Variants in SCAPER observed in about 807,000 individuals in gnomAD.
SCAPER encodes the protein S phase cyclin A-associated protein in the endoplasmic reticulum.
In SCAPER, 98 loss-of-function variants were observed where a neutral mutation model predicts 182.2. That is an observed-to-expected ratio of 0.54 (90% CI 0.46 to 0.64). SCAPER has a LOEUF of 0.64. Ranked by LOEUF, SCAPER falls within the 30% of genes least tolerant of loss-of-function variation. The pLI, the probability that SCAPER is intolerant of heterozygous loss-of-function variation, is 0.00. For synonymous variants in SCAPER, 605 were observed against 564.6 expected (o/e 1.07, Z -1.01); for missense variants, 1,432 against 1,690.0 (o/e 0.85, Z 2.68).
At chr15:76,493,683 G>A (rs956546452) in intron 24 of SCAPER, among the ~76,000 whole-genome samples, 2 of 152,168 alleles carry the variant, frequency 1.3e-5, no homozygotes, top group African/African-American at 4.8e-5. Flanking sequence ...TCTTAAGTAA[G>A]ATCTGGTTAT....
At chr15:76,387,502 T>C (rs899670677) in intron 27 of SCAPER, among the ~76,000 whole-genome samples, 1 of 152,178 alleles carries the variant, frequency 6.6e-6, no homozygotes, top group Admixed American at 6.5e-5. Context: ...GCTTGAGATA[T>C]TTGGAAGCCA....
At position 76,404,648 on chromosome 15, in the gene SCAPER, G is replaced by T; in HGVS notation, c.3343C>A (p.Leu1115Met). 6.2e-7 allele frequency: 1 copy of T among 1,612,710 alleles called. No individual in the cohort carries two copies. Residue 1115 changes from leucine to methionine, a missense_variant, in exon 27 of 32, where the codon CTG becomes ATG. Physicochemically the swap from Leu to Met is conservative, Grantham distance 15. Coordinates refer to ENST00000563290, the MANE Select transcript of SCAPER (RefSeq NM_020843.4). ...YVVNMGLIDK[L>M]CACFLSVQGP... is the part of the protein sequence containing the mutation. The stretch of plus-strand genomic sequence containing the variant: ...TGCACCGAGAGGAAGCAGGCACACA[G>T]TTTGTCAATCAGACCCATGTTCACC...
In SCAPER at chr15:76,881,535, G is replaced by A. The variant is rs538160921; in HGVS notation, c.6+2277C>T. On this transcript the variant is annotated intron_variant, in intron 2 of 31. Coordinates refer to ENST00000563290, the MANE Select transcript of SCAPER (RefSeq NM_020843.4). Reference sequence around the variant, plus strand: ...ATATTATTATTATTTATTTATAACAGAATATTATTCAGTCTTAAAGAGGAG... The same window carrying A: ...ATATTATTATTATTTATTTATAACAAAATATTATTCAGTCTTAAAGAGGAG... Among the ~76,000 whole-genome samples the A allele has an allele frequency of 2.0e-5, 3 of 152,304 alleles. No homozygotes were observed. The East Asian group carries it at 5.8e-4, about 29-fold the overall frequency.
intron 25 of SCAPER, among the ~76,000 whole-genome samples, chr15:76,459,166 G>C (rs1248471071): frequency 6.6e-6 from 1 of 152,120 alleles, no homozygotes; most frequent in African/African-American, 2.4e-5. Flanking sequence ...TGCTGGGATT[G>C]CAGGAATGAG....
At chr15:76,364,445 T>A (rs1245690935) in intron 29 of SCAPER, among the ~76,000 whole-genome samples, 1 of 152,180 alleles carries the variant, frequency 6.6e-6, no homozygotes, top group Non-Finnish European at 1.5e-5. Flanking sequence ...GCTTGCCTTT[T>A]ATAGGCTTTG....
At chr15:76,435,412 C>T (rs929407996) in intron 25 of SCAPER, among the ~76,000 whole-genome samples, 2 of 152,112 alleles carry the variant, frequency 1.3e-5, no homozygotes, top group African/African-American at 4.8e-5. Flanking sequence ...AATTGTCTAT[C>T]TTTTTTGTCA....
chr15:76,528,429 T>C (rs1222551031), intron 23 of SCAPER, among the ~76,000 whole-genome samples: 1 of 152,188 alleles, frequency 6.6e-6, no homozygotes, highest in Non-Finnish European at 1.5e-5. Context: ...GGATGTCCCA[T>C]AAGCACATCA....
chr15:76,365,485 A>G (rs1230453522), intron 29 of SCAPER, among the ~76,000 whole-genome samples: 1 of 152,212 alleles, frequency 6.6e-6, no homozygotes, highest in Non-Finnish European at 1.5e-5. Flanking sequence ...GATTTTCTCA[A>G]AGACTTGGCT....
intron 24 of SCAPER, among the ~76,000 whole-genome samples, chr15:76,495,196 G>A (rs1460877607): frequency 2.0e-5 from 3 of 151,894 alleles, no homozygotes; most frequent in Non-Finnish European, 4.4e-5. Flanking sequence ...TTCTTAATAC[G>A]TTCACTCTCT....
At position 76,705,996 on chromosome 15, in the gene SCAPER, C is replaced by A; in HGVS notation, c.2166-12G>T. 6.5e-7 allele frequency: 1 copy of A among 1,532,442 alleles called. No homozygotes were observed. The highest frequency in any genetic ancestry group is 8.7e-7 in the Non-Finnish European group (1 of 1,143,152). 94.9% of individuals were successfully genotyped at this position (1,532,442 alleles called of 1,614,324 possible). On this transcript the variant is annotated splice_polypyrimidine_tract_variant and intron_variant, in intron 17 of 31. Transcript: ENST00000563290. ...GTTCTTCCCTGTCTCTGTAAGAAGA[C>A]AGTAAAAATTATAAACTCAACTGCT...
intron 31 of SCAPER, chr15:76,349,658 T>TAA (rs11395162): frequency 1.9e-4 from 28 of 149,422 alleles, no homozygotes; most frequent in Admixed American, 3.3e-4. Flanking sequence ...GCATCATCAT[T>TAA]AAAAAAAAAA....
chr15:76,504,864 A>G lies in SCAPER; in HGVS notation c.2949T>C (p.Pro983=), dbSNP rs768572225. 6.2e-7 allele frequency: 1 copy of G among 1,605,864 alleles called. No homozygotes were observed. ...ATNVNTVLRI[P]PKSLCNAINV... is the part of the protein sequence containing the mutation. The stretch of plus-strand genomic sequence containing the variant: ...GATTAAGAAACTATACTTACTTAGG[A>G]GGAATTCTTAAAACTGTGTTCACAT... Residue 983 remains proline (P), a synonymous_variant, in exon 24 of 32, where the codon CCT becomes CCC. Coordinates refer to ENST00000563290, the MANE Select transcript of SCAPER (RefSeq NM_020843.4).
At chr15:76,572,911 T>TCACACACACACACACA (rs67724539) in intron 23 of SCAPER, among the ~76,000 whole-genome samples, 2 of 109,060 alleles carry the variant, frequency 1.8e-5, no homozygotes, top group African/African-American at 4.2e-5. Context: ...TCTCTCTCTC[T>TCACACACACACACACA]CTCTCTCTCA....
At chr15:76,734,010 T>A (rs1460656784) in intron 15 of SCAPER, among the ~76,000 whole-genome samples, 1 of 152,192 alleles carries the variant, frequency 6.6e-6, no homozygotes, top group African/African-American at 2.4e-5. Context: ...TCTTACAAAG[T>A]TCTACTTAAT....
chr15:76,396,104 T>C (rs1357942805), intron 27 of SCAPER, among the ~76,000 whole-genome samples: 1 of 152,214 alleles, frequency 6.6e-6, no homozygotes, highest in Non-Finnish European at 1.5e-5. Flanking sequence ...TTCCCTAATT[T>C]ATGCTCTTGG....
chr15:76,442,402 T>C (rs2047675174), intron 25 of SCAPER, among the ~76,000 whole-genome samples: 1 of 152,322 alleles, frequency 6.6e-6, no homozygotes, highest in Admixed American at 6.5e-5. Flanking sequence ...TAAATATTTG[T>C]CCAATGAAAG....
intron 30 of SCAPER, 64 bp downstream of exon 30, chr15:76,353,885 T>G: frequency 1.5e-6 from 2 of 1,376,118 alleles, no homozygotes; most frequent in Non-Finnish European, 1.9e-6. Flanking sequence ...CTGGCTTACT[T>G]TTACATTTCT....
rs539235307 is a variant in SCAPER at position 76,856,592 on chromosome 15, G to A, written c.195+1217C>T. On this transcript the variant is annotated intron_variant, in intron 4 of 31. Transcript: ENST00000563290. ...TGGTGCCTTTGTGTGTGGGGATGGG[G>A]GATTCTTTGTGAACTCACAATGACA... is the stretch of plus-strand genomic sequence containing the variant. 2.0e-5 allele frequency among the ~76,000 whole-genome samples: 3 copies of A among 151,378 alleles called. No homozygotes were observed. The East Asian group carries it at 5.8e-4, about 29-fold the overall frequency.
chr15:76,630,612 C>T (rs1597805900), intron 21 of SCAPER, among the ~76,000 whole-genome samples: 1 of 151,962 alleles, frequency 6.6e-6, no homozygotes, highest in South Asian at 2.1e-4. Context: ...TGTGGTTTTG[C>T]GTGGGTTTCT....
Sources: gnomAD v4.1 joint callset for allele counts (sites outside exome capture counted in the v4.1 genomes callset) on GRCh38, gnomAD v4.1.1 for gene constraint, MANE v1.5 for transcripts, NCBI Gene and HGNC (gene_info 2026-07-23, HGNC 2026-07-21) for gene names.